REST: variants seen among roughly 807,000 people sequenced by gnomAD.
The protein encoded by REST is RE1-silencing transcription factor.
In REST, 1 loss-of-function variant was observed where a neutral mutation model predicts 30.4. The ratio of observed to expected loss-of-function variants is 0.03; its 90% CI spans 0.01 to 0.16. REST has a LOEUF of 0.16. Ranked by LOEUF, REST falls within the 10% of genes least tolerant of loss-of-function variation. The probability of loss-of-function intolerance (pLI) is 1.00; values close to 1 mark genes in which losing one functional copy is unlikely to be tolerated. For synonymous variants in REST, 504 were observed against 451.1 expected (o/e 1.12, Z -1.49); for missense variants, 1,259 against 1,329.5 (o/e 0.95, Z 0.82).
At chr4:56,913,398 T>C (rs1054933829) in intron 2 of REST, among the ~76,000 whole-genome samples, 1 of 152,224 alleles carries the variant, frequency 6.6e-6, no homozygotes, top group Non-Finnish European at 1.5e-5. Context: ...TTTTTAACTA[T>C]TGGTAGCTCA....
chr4:56,913,404 G>T (rs1248477033), intron 2 of REST, among the ~76,000 whole-genome samples: 1 of 152,166 alleles, frequency 6.6e-6, no homozygotes, highest in Admixed American at 6.5e-5. Flanking sequence ...ACTATTGGTA[G>T]CTCATTTGGA....
At chr4:56,925,506 G>A (rs1334535944) in intron 3 of REST, among the ~76,000 whole-genome samples, 1 of 152,160 alleles carries the variant, frequency 6.6e-6, no homozygotes, top group Admixed American at 6.5e-5. Context: ...GAACCACTAT[G>A]CCTGGCCATT....
intron 1 of REST, chr4:56,909,072 C>G (rs1005071160): frequency 2.6e-5 from 4 of 152,258 alleles, no homozygotes; most frequent in African/African-American, 9.6e-5. Flanking sequence ...GACGGGGGCC[C>G]TAGGGCTGGG....
At chr4:56,919,423 G>T (rs191985570) in intron 2 of REST, among the ~76,000 whole-genome samples, 1 of 151,956 alleles carries the variant, frequency 6.6e-6, no homozygotes, top group East Asian at 1.9e-4. Context: ...GACAGTTCAG[G>T]TAGATTTTTT....
intron 2 of REST, among the ~76,000 whole-genome samples, chr4:56,914,922 CT>C (rs10589188): frequency 0.021 from 1,938 of 92,004 alleles, 26 homozygotes; most frequent in African/African-American, 0.067. Context: ...TTTTTTTTAA[CT>C]TTTTTTTTTT....
intron 3 of REST, 150 bp downstream of exon 3, chr4:56,920,020 G>T: frequency 2.4e-6 from 1 of 418,842 alleles, no homozygotes; most frequent in Non-Finnish European, 4.2e-6. Context: ...CCGTCAATCT[G>T]GGGATTCCTA....
At chr4:56,918,444 G>A (rs773694012) in intron 2 of REST, among the ~76,000 whole-genome samples, 108 of 151,988 alleles carry the variant, frequency 7.1e-4, no homozygotes, top group Non-Finnish European at 1.3e-3. Context: ...CAGAAGCTAC[G>A]TTCATGCCAC....
intron 3 of REST, among the ~76,000 whole-genome samples, chr4:56,924,798 A>G (rs1434711834): frequency 6.6e-6 from 1 of 151,910 alleles, no homozygotes; most frequent in Non-Finnish European, 1.5e-5. Context: ...CTTGAGATTT[A>G]TCCATGTTGC....
intron 3 of REST, among the ~76,000 whole-genome samples, chr4:56,926,339 C>T (rs888796514): frequency 6.6e-6 from 1 of 152,084 alleles, no homozygotes; most frequent in African/African-American, 2.4e-5. Context: ...TCCCAAAGTG[C>T]TGGGATTACA....
At position 56,908,171 on chromosome 4, in the gene REST, C is replaced by T. The variant is rs1296686296; in HGVS notation, c.-52C>T. The T allele has an allele frequency of 2.1e-5, 4 of 193,734 alleles. No individual in the cohort carries two copies. Among genetic ancestry groups the T allele is most frequent in the Non-Finnish European group, 4.2e-5 (4 of 95,484 alleles). 12.0% of individuals were successfully genotyped at this position (193,734 alleles called of 1,614,324 possible). ...CAAAGAAAAGTAGTCGGAGAAGGAG[C>T]GGCGACTCAGGGTCGCCCGCCCCTC... On this transcript the variant is annotated 5_prime_UTR_variant, in exon 1 of 4. Transcript: ENST00000309042.
intron 3 of REST, among the ~76,000 whole-genome samples, chr4:56,929,127 G>A (rs569156302): frequency 6.7e-5 from 10 of 150,084 alleles, no homozygotes; most frequent in African/African-American, 2.2e-4. Flanking sequence ...GAGTGAAGTA[G>A]TGCGATCTCA....
intron 3 of REST, among the ~76,000 whole-genome samples, chr4:56,923,604 C>A (rs985118149): frequency 6.6e-6 from 1 of 152,120 alleles, no homozygotes; most frequent in Non-Finnish European, 1.5e-5. Context: ...GCCACCATGC[C>A]TGGCTGATTT....
chr4:56,928,028 G>A (rs1319861850), intron 3 of REST, among the ~76,000 whole-genome samples: 1 of 152,204 alleles, frequency 6.6e-6, no homozygotes, highest in African/African-American at 2.4e-5. Flanking sequence ...GGATCTGGGA[G>A]TATCGCCCAG....
chr4:56,915,195 C>T (rs938313627), intron 2 of REST, among the ~76,000 whole-genome samples: 4 of 146,422 alleles, frequency 2.7e-5, no homozygotes, highest in African/African-American at 7.6e-5. Context: ...AGATTACAGG[C>T]GTGAGCCACC....
At chr4:56,920,561 G>A (rs1720401416) in intron 3 of REST, among the ~76,000 whole-genome samples, 1 of 151,824 alleles carries the variant, frequency 6.6e-6, no homozygotes, top group Non-Finnish European at 1.5e-5. Context: ...GGGGTAGTTT[G>A]AGACTAGCCT....
At chr4:56,913,048 A>G (rs1720008301) in intron 2 of REST, among the ~76,000 whole-genome samples, 1 of 151,792 alleles carries the variant, frequency 6.6e-6, no homozygotes. Flanking sequence ...TCCTCCTGCC[A>G]CAGTCTTCCC....
intron 3 of REST, chr4:56,927,725 T>C: frequency 2.7e-6 from 2 of 737,346 alleles, no homozygotes; most frequent in Non-Finnish European, 3.8e-6. Flanking sequence ...GGGGTTCTGG[T>C]TTTTTATGTA....
At chr4:56,916,516 A>G (rs1156527915) in intron 2 of REST, among the ~76,000 whole-genome samples, 1 of 152,104 alleles carries the variant, frequency 6.6e-6, no homozygotes, top group Non-Finnish European at 1.5e-5. Flanking sequence ...CTTAGCCTGT[A>G]GTCCCAGCTT....
intron 2 of REST, among the ~76,000 whole-genome samples, chr4:56,912,467 GC>G: frequency 6.6e-6 from 1 of 150,900 alleles, no homozygotes. Context: ...AGCCTCCCTG[GC>G]TCAGCCTCCC....
Sources: gnomAD v4.1 joint callset for allele counts (sites outside exome capture counted in the v4.1 genomes callset) on GRCh38, gnomAD v4.1.1 for gene constraint, MANE v1.5 for transcripts, NCBI Gene and HGNC (gene_info 2026-07-23, HGNC 2026-07-21) for gene names.